Variants in GLG1 observed in about 807,000 individuals in gnomAD.
GLG1 encodes Golgi apparatus protein 1.
In GLG1, 38 loss-of-function variants were observed where a neutral mutation model predicts 160.5. The observed-to-expected ratio is 0.24, with a 90% CI of 0.18 to 0.31. The LOEUF (loss-of-function observed/expected upper bound fraction) is 0.31. Ranked by LOEUF, GLG1 falls within the 10% of genes least tolerant of loss-of-function variation. The pLI, the probability that GLG1 is intolerant of heterozygous loss-of-function variation, is 1.00. For missense variants in GLG1, 1,373 were observed against 1,505.2 expected, an observed-to-expected ratio of 0.91 and a Z score of 1.45; for synonymous variants, 644 against 543.4, an observed-to-expected ratio of 1.19 and a Z score of -2.57.
intron 15 of GLG1, among the ~76,000 whole-genome samples, 163 bp downstream of exon 15, chr16:74,471,010 G>C (rs573908828): frequency 1.3e-5 from 2 of 152,198 alleles, no homozygotes; most frequent in South Asian, 4.2e-4. Flanking sequence ...ACCCACCTCA[G>C]CCTCCCAAAG....
chr16:74,451,119 T>C lies in GLG1; in HGVS notation c.*2048A>G, dbSNP rs1160846209. On this transcript the variant is annotated 3_prime_UTR_variant, in exon 26 of 26. Transcript: ENST00000422840. ...TACATGACATTCCTGGCTCTTGATATTAGGCCTCAGCGGCCCCCAGCCCCC... is the reference window on the plus strand; with the variant it reads ...TACATGACATTCCTGGCTCTTGATACTAGGCCTCAGCGGCCCCCAGCCCCC... 6.6e-6 allele frequency: 1 copy of C among 152,330 alleles called. No individual in the cohort carries two copies. The highest frequency in any genetic ancestry group is 1.5e-5 in the Non-Finnish European group (1 of 68,150). The allele number at this position is 152,330 out of a possible 1,614,324, so 9.4% of individuals were successfully genotyped here.
chr16:74,456,591 G>T, intron 25 of GLG1, 58 bp downstream of exon 25: 2 of 1,005,516 alleles, frequency 2.0e-6, no homozygotes, highest in Non-Finnish European at 3.2e-6. Flanking sequence ...CATGCAAATT[G>T]GTGAAGTGTT....
At chr16:74,458,545 C>T (rs1045495020) in intron 23 of GLG1, among the ~76,000 whole-genome samples, 2 of 152,164 alleles carry the variant, frequency 1.3e-5, no homozygotes, top group Admixed American at 6.5e-5. Flanking sequence ...TGGGCATAAT[C>T]GTGTGCCCTG....
intron 17 of GLG1, 101 bp downstream of exon 17, chr16:74,468,845 A>G: frequency 1.3e-6 from 1 of 745,392 alleles, no homozygotes. Flanking sequence ...CTTAACCATC[A>G]CAGTAGTGGA....
intron 1 of GLG1, among the ~76,000 whole-genome samples, chr16:74,564,814 T>C (rs2018605892): frequency 6.6e-6 from 1 of 152,204 alleles, no homozygotes; most frequent in Non-Finnish European, 1.5e-5. Context: ...ATTGAAACTT[T>C]AAGGAAGCAG....
At chr16:74,454,566 T>C (rs2014450694) in intron 25 of GLG1, among the ~76,000 whole-genome samples, 1 of 138,820 alleles carries the variant, frequency 7.2e-6, no homozygotes, top group Non-Finnish European at 1.5e-5. Context: ...CTGGGGAGGC[T>C]GAGGCAGGAT....
At chr16:74,490,893 A>T in intron 8 of GLG1, 108 bp downstream of exon 8, 2 of 740,442 alleles carry the variant, frequency 2.7e-6, no homozygotes, top group Admixed American at 2.2e-5. Flanking sequence ...CTAATGTTCA[A>T]TGTGATACCA....
intron 1 of GLG1, among the ~76,000 whole-genome samples, chr16:74,569,305 C>G (rs1285361356): frequency 6.6e-6 from 1 of 152,144 alleles, no homozygotes; most frequent in African/African-American, 2.4e-5. Context: ...CTTTCTGAAA[C>G]AAGACATCAT....
At chr16:74,526,970 G>A (rs1308319046) in intron 2 of GLG1, among the ~76,000 whole-genome samples, 1 of 152,068 alleles carries the variant, frequency 6.6e-6, no homozygotes, top group Non-Finnish European at 1.5e-5. Flanking sequence ...TGTGTTTTGG[G>A]TAAAGTGCTA....
intron 19 of GLG1, among the ~76,000 whole-genome samples, chr16:74,465,261 A>T (rs909245134): frequency 6.6e-6 from 1 of 152,258 alleles, no homozygotes; most frequent in East Asian, 1.9e-4. Flanking sequence ...TGTAAAACAG[A>T]AAAATCTTCT....
At chr16:74,492,911 CA>C (rs762428290) in intron 7 of GLG1, 45 bp downstream of exon 7, 3 of 1,249,548 alleles carry the variant, frequency 2.4e-6, no homozygotes, top group South Asian at 3.1e-5. Context: ...AGTGTGAATC[CA>C]AAAAGGAACA....
chr16:74,468,401 A>C (rs1198358982), intron 17 of GLG1: 1 of 155,028 alleles, frequency 6.5e-6, no homozygotes, highest in Non-Finnish European at 1.4e-5. Context: ...ACAGCTGGCT[A>C]AATTTTGTAT....
intron 2 of GLG1, among the ~76,000 whole-genome samples, chr16:74,520,981 A>G (rs1021937881): frequency 2.0e-5 from 3 of 152,190 alleles, no homozygotes; most frequent in African/African-American, 7.2e-5. Flanking sequence ...TTATCAAGTA[A>G]ATGTGTCAGG....
intron 1 of GLG1, among the ~76,000 whole-genome samples, chr16:74,585,568 C>G (rs1295614051): frequency 6.6e-6 from 1 of 151,802 alleles, no homozygotes; most frequent in Non-Finnish European, 1.5e-5. Context: ...ATTAGCCGGG[C>G]ATGGTAGTGT....
intron 25 of GLG1, among the ~76,000 whole-genome samples, chr16:74,455,403 ACT>A (rs1286062715): frequency 6.6e-6 from 1 of 152,178 alleles, no homozygotes; most frequent in Non-Finnish European, 1.5e-5. Context: ...ACTCTGAGTC[ACT>A]CTGAAGCAAT....
chr16:74,507,934 G>C (rs1287956771), intron 3 of GLG1, among the ~76,000 whole-genome samples: 1 of 152,086 alleles, frequency 6.6e-6, no homozygotes, highest in African/African-American at 2.4e-5. Flanking sequence ...ATTAAAGCTA[G>C]GAGCTAAAGA....
At chr16:74,527,678 T>C (rs902280045) in intron 2 of GLG1, among the ~76,000 whole-genome samples, 1 of 152,182 alleles carries the variant, frequency 6.6e-6, no homozygotes, top group African/African-American at 2.4e-5. Context: ...TTTCTCACAG[T>C]GTGCAAATGT....
intron 3 of GLG1, among the ~76,000 whole-genome samples, chr16:74,506,933 A>G (rs2016634109): frequency 6.6e-6 from 1 of 152,166 alleles, no homozygotes. Context: ...CATGAGCAAA[A>G]TGCTGCAGTC....
intron 1 of GLG1, among the ~76,000 whole-genome samples, chr16:74,572,947 T>C (rs888328093): frequency 5.3e-5 from 8 of 152,196 alleles, no homozygotes; most frequent in Non-Finnish European, 1.0e-4. Context: ...TCCAGGTATA[T>C]AGTGTCAAGG....
Sources: allele counts gnomAD v4.1 joint callset (sites outside exome capture counted in the v4.1 genomes callset), GRCh38; gene constraint gnomAD v4.1.1; transcripts MANE v1.5; gene names NCBI Gene and HGNC (gene_info 2026-07-23, HGNC 2026-07-21).